The following SNTG1 variants were observed in gnomAD, a reference collection of about 807,000 sequenced individuals.
SNTG1 encodes gamma-1-syntrophin.
A neutral mutation model predicts 74.7 loss-of-function variants in SNTG1; 39 were observed. That is an observed-to-expected ratio of 0.52 (90% CI 0.40 to 0.68). The LOEUF (loss-of-function observed/expected upper bound fraction) is 0.68, where lower values mean the gene tolerates loss of function less well. Ranked by LOEUF, SNTG1 falls within the 30% of genes least tolerant of loss-of-function variation. SNTG1 has a pLI of 0.00. For missense variants in SNTG1, 685 were observed against 609.5 expected (o/e 1.12, Z -1.30); for synonymous variants, 254 against 217.1 (o/e 1.17, Z -1.49).
At chr8:50,772,357 C>T (rs569792377) in intron 18 of SNTG1, among the ~76,000 whole-genome samples, 2 of 152,220 alleles carry the variant, frequency 1.3e-5, no homozygotes, top group South Asian at 4.1e-4. Context: ...ACTGTCTGCC[C>T]TGCTGTGTTT....
chr8:50,790,594 G>C (rs1462255841), intron 18 of SNTG1, among the ~76,000 whole-genome samples: 1 of 151,828 alleles, frequency 6.6e-6, no homozygotes, highest in Admixed American at 6.6e-5. Flanking sequence ...CACCCTAGGA[G>C]TGGAAATGGT....
chr8:50,632,319 T>G (rs2095005694), intron 13 of SNTG1, among the ~76,000 whole-genome samples: 2 of 151,552 alleles, frequency 1.3e-5, no homozygotes, highest in Admixed American at 6.6e-5. Flanking sequence ...ATTTATTTAT[T>G]TATTTATTTG....
intron 1 of SNTG1, among the ~76,000 whole-genome samples, chr8:50,155,890 T>C (rs1459823139): frequency 1.3e-5 from 2 of 151,774 alleles, no homozygotes. Context: ...CATCTCTAGT[T>C]AGAATTGTAA....
chr8:50,353,204 A>G (rs976068015), intron 2 of SNTG1, among the ~76,000 whole-genome samples: 13 of 144,200 alleles, frequency 9.0e-5, no homozygotes, highest in Non-Finnish European at 1.8e-4. Flanking sequence ...GAATTGATCA[A>G]TGAGAACACA....
intron 18 of SNTG1, among the ~76,000 whole-genome samples, chr8:50,769,140 TGTTAAGAGTACTCTGTACTCTTAAC>T (rs2095621013): frequency 6.6e-6 from 1 of 151,792 alleles, no homozygotes; most frequent in South Asian, 2.1e-4. Flanking sequence ...TACCCGTTTG[TGTTAAGAGTACTCTGTACTCTTAAC>T]ACTCTGTACA....
At chr8:50,532,524 G>T (rs547045472) in intron 10 of SNTG1, among the ~76,000 whole-genome samples, 2 of 152,190 alleles carry the variant, frequency 1.3e-5, no homozygotes, top group Non-Finnish European at 1.5e-5. Flanking sequence ...AAAATTCAAC[G>T]TAAGTTGAGA....
chr8:50,198,265 T>C (rs2083854262), intron 2 of SNTG1, among the ~76,000 whole-genome samples: 2 of 152,176 alleles, frequency 1.3e-5, no homozygotes, highest in African/African-American at 4.8e-5. Flanking sequence ...ATCCGCCGGC[T>C]CTGAAGGTGG....
chr8:50,518,174 A>T (rs778797130), intron 9 of SNTG1, among the ~76,000 whole-genome samples: 3 of 152,330 alleles, frequency 2.0e-5, no homozygotes, highest in African/African-American at 7.2e-5. Flanking sequence ...ACACAACTAC[A>T]TGGAAAATGA....
intron 8 of SNTG1, among the ~76,000 whole-genome samples, chr8:50,469,768 C>A (rs2093637206): frequency 6.6e-6 from 1 of 152,126 alleles, no homozygotes; most frequent in African/African-American, 2.4e-5. Context: ...CTCTTCAGGC[C>A]AGGAGTTTAA....
chr8:50,354,291 T>C (rs2091754172), intron 2 of SNTG1, among the ~76,000 whole-genome samples: 1 of 152,236 alleles, frequency 6.6e-6, no homozygotes, highest in Non-Finnish European at 1.5e-5. Flanking sequence ...AAAGGTGCTA[T>C]TGACTCTGTG....
At chr8:50,591,897 C>T (rs1471059631) in intron 13 of SNTG1, among the ~76,000 whole-genome samples, 1 of 152,162 alleles carries the variant, frequency 6.6e-6, no homozygotes, top group African/African-American at 2.4e-5. Flanking sequence ...GAGAGATGTA[C>T]GTGTCTTGCC....
At chr8:50,343,532 C>A (rs981813443) in intron 2 of SNTG1, among the ~76,000 whole-genome samples, 3 of 151,960 alleles carry the variant, frequency 2.0e-5, no homozygotes, top group African/African-American at 7.3e-5. Context: ...CAAAGCCAAG[C>A]AAATCAATCT....
intron 8 of SNTG1, among the ~76,000 whole-genome samples, chr8:50,463,616 C>T (rs933889495): frequency 6.6e-6 from 1 of 152,168 alleles, no homozygotes; most frequent in Non-Finnish European, 1.5e-5. Context: ...GTAAACTATG[C>T]TGTAAACAGA....
intron 1 of SNTG1, among the ~76,000 whole-genome samples, chr8:50,048,060 C>A (rs960584066): frequency 3.3e-5 from 5 of 151,936 alleles, no homozygotes; most frequent in African/African-American, 9.7e-5. Context: ...ATCATCCTTG[C>A]AGGTGTAATA....
intron 6 of SNTG1, 68 bp downstream of exon 6, chr8:50,449,793 A>T: frequency 2.3e-6 from 3 of 1,314,556 alleles, no homozygotes; most frequent in Middle Eastern, 1.9e-4. Flanking sequence ...GTGAGATGAT[A>T]TTCAAGAATC....
rs554468918 is a variant in SNTG1, at chr8:50,267,947, A to G, written c.-28+95312A>G. 9.2e-5 allele frequency among the ~76,000 whole-genome samples: 14 copies of G among 152,314 alleles called. 1 individual carries two copies. The highest frequency in any genetic ancestry group is 3.1e-4 in the African/African-American group (13 of 41,584). On this transcript the variant is annotated intron_variant, in intron 2 of 18. Transcript: ENST00000642720. ...ATACAGTACTAGAAGGTAAAGTCAC[A>G]CACATTGGAAAGGAATAAATAAAAC... is the stretch of plus-strand genomic sequence containing the variant.
chr8:50,150,078 G>A (rs540417055), intron 1 of SNTG1, among the ~76,000 whole-genome samples: 1 of 151,952 alleles, frequency 6.6e-6, no homozygotes, highest in Non-Finnish European at 1.5e-5. Flanking sequence ...TTAAGCAGTG[G>A]TTTGTAGTTC....
intron 1 of SNTG1, among the ~76,000 whole-genome samples, chr8:49,985,651 A>C (rs1210211816): frequency 6.6e-6 from 1 of 152,200 alleles, no homozygotes; most frequent in Admixed American, 6.5e-5. Flanking sequence ...CAGTTAAATA[A>C]GGCGCATAAA....
chr8:49,990,173 C>T (rs916558988), intron 1 of SNTG1, among the ~76,000 whole-genome samples: 1 of 151,794 alleles, frequency 6.6e-6, no homozygotes, highest in African/African-American at 2.4e-5. Flanking sequence ...TGATCTTGTA[C>T]ATAGAAAATC....
Sources: gnomAD v4.1 joint callset for allele counts (sites outside exome capture counted in the v4.1 genomes callset) on GRCh38, gnomAD v4.1.1 for gene constraint, MANE v1.5 for transcripts, NCBI Gene and HGNC (gene_info 2026-07-23, HGNC 2026-07-21) for gene names.